Variants in TMTC1 observed in about 807,000 individuals in gnomAD.
TMTC1 encodes transmembrane O-mannosyltransferase targeting cadherins 1, also known as protein O-mannosyl-transferase TMTC1.
A neutral mutation model predicts 104.8 loss-of-function variants in TMTC1; 73 were observed. The ratio of observed to expected loss-of-function variants is 0.70; its 90% CI spans 0.58 to 0.85. The LOEUF is 0.85. Ranked by LOEUF, TMTC1 falls within the 40% of genes least tolerant of loss-of-function variation. TMTC1 has a pLI of 0.00. For synonymous variants in TMTC1, 434 were observed against 428.7 expected, an observed-to-expected ratio of 1.01 and a Z score of -0.15; for missense variants, 1,035 against 1,096.1, an observed-to-expected ratio of 0.94 and a Z score of 0.79.
At chr12:29,628,543 A>G (rs1175689491) in intron 6 of TMTC1, among the ~76,000 whole-genome samples, 1 of 152,236 alleles carries the variant, frequency 6.6e-6, no homozygotes, top group Admixed American at 6.5e-5. Flanking sequence ...TAACGTCAAC[A>G]CAGACTTTAT....
chr12:29,539,055 A>G (rs1944721938), intron 10 of TMTC1, among the ~76,000 whole-genome samples: 3 of 152,170 alleles, frequency 2.0e-5, no homozygotes, highest in African/African-American at 7.2e-5. Flanking sequence ...ATTGTTTCTA[A>G]AAGGGAGAGG....
chr12:29,619,844 T>C (rs902317903), intron 6 of TMTC1, among the ~76,000 whole-genome samples: 1 of 152,222 alleles, frequency 6.6e-6, no homozygotes, highest in African/African-American at 2.4e-5. Flanking sequence ...TCCCGAACTA[T>C]GCTTCTGCAC....
chr12:29,690,258 C>T (rs1197844844), intron 5 of TMTC1, among the ~76,000 whole-genome samples: 1 of 152,100 alleles, frequency 6.6e-6, no homozygotes, highest in Non-Finnish European at 1.5e-5. Flanking sequence ...ATCAGTGCAT[C>T]CTTTGTTTTA....
At chr12:29,776,216 A>C (rs1259457209) in intron 1 of TMTC1, among the ~76,000 whole-genome samples, 1 of 152,164 alleles carries the variant, frequency 6.6e-6, no homozygotes, top group African/African-American at 2.4e-5. Flanking sequence ...TCCACCAACC[A>C]TTTGTGCTGC....
chr12:29,586,081 T>C (rs1344973197), intron 7 of TMTC1, among the ~76,000 whole-genome samples: 1 of 152,204 alleles, frequency 6.6e-6, no homozygotes, highest in Non-Finnish European at 1.5e-5. Flanking sequence ...GCATGGAATG[T>C]TCTTCCATTT....
rs754126885 is a variant in TMTC1 at position 29,583,500 on chromosome 12, G to T, written c.1325C>A (p.Thr442Asn). 1 of 1,613,930 alleles carries T rather than the reference G, an allele frequency of 6.2e-7. No individual in the cohort carries two copies. Among genetic ancestry groups the T allele is most frequent in the Non-Finnish European group, 8.5e-7 (1 of 1,179,904 alleles). ...CTWLNRCGAT[T>N]LIVSTVLLLL... ...CAGCAACACAGTGGACACAATCAGGGTGGTGGCCCCACATCGATTCAGCCA... is the reference window on the plus strand; with the variant it reads ...CAGCAACACAGTGGACACAATCAGGTTGGTGGCCCCACATCGATTCAGCCA... The change falls in exon 8 of 18, where the codon ACC (threonine) becomes AAC (asparagine). Residue 442 changes from threonine (T) to asparagine (N), a missense_variant. Physicochemically the swap from Thr to Asn is moderately conservative, Grantham distance 65. Transcript: ENST00000539277.
At chr12:29,601,234 C>T (rs762861050) in intron 7 of TMTC1, among the ~76,000 whole-genome samples, 6 of 152,172 alleles carry the variant, frequency 3.9e-5, no homozygotes, top group African/African-American at 9.7e-5. Flanking sequence ...TATACCTGCC[C>T]GGGCAAGATG....
chr12:29,517,583 G>T lies in TMTC1; in HGVS notation c.2025-12C>A. 6.2e-7 allele frequency: 1 copy of T among 1,613,982 alleles called. No individual in the cohort carries two copies. The highest frequency in any genetic ancestry group is 8.5e-7 in the Non-Finnish European group (1 of 1,179,936). Reference sequence around the variant, plus strand: ...CCACCTGCAGGGCGCTGAGTTTGGAGAAAATCTAAATGACATTTCTCTTCT... The same window carrying T: ...CCACCTGCAGGGCGCTGAGTTTGGATAAAATCTAAATGACATTTCTCTTCT... On this transcript the variant is annotated splice_polypyrimidine_tract_variant and intron_variant, in intron 13 of 17. Coordinates refer to ENST00000539277, the MANE Select transcript of TMTC1 (RefSeq NM_001193451.2).
chr12:29,557,121 T>A, intron 9 of TMTC1, 121 bp from the exon 10 acceptor site: 1 of 1,130,906 alleles, frequency 8.8e-7, no homozygotes, highest in Non-Finnish European at 1.2e-6. Context: ...ATTCTTGTAC[T>A]TGAATGGTTT....
chr12:29,509,387 C>T (rs928346824), intron 17 of TMTC1, among the ~76,000 whole-genome samples: 27 of 152,224 alleles, frequency 1.8e-4, no homozygotes. Context: ...CCTCTCTCCC[C>T]CATCTCTTTC....
intron 11 of TMTC1, among the ~76,000 whole-genome samples, chr12:29,524,862 G>T (rs1316214391): frequency 6.6e-6 from 1 of 152,184 alleles, no homozygotes; most frequent in Non-Finnish European, 1.5e-5. Context: ...TATACCTCAT[G>T]ATGTACACAA....
chr12:29,654,944 C>T (rs1458373586), intron 5 of TMTC1, among the ~76,000 whole-genome samples: 1 of 152,070 alleles, frequency 6.6e-6, no homozygotes, highest in Non-Finnish European at 1.5e-5. Context: ...AGTGCAGTGG[C>T]GTGATCTCGG....
At position 29,510,141 on chromosome 12, in the gene TMTC1, T is replaced by C. The variant is rs368880480; in HGVS notation, c.2508+1902A>G. ...TATAGCCACATAAACCTAGATGAAA[T>C]AGTTTACTACTACACACCTAGACTA... On this transcript the variant is annotated intron_variant, in intron 17 of 17. Transcript: ENST00000539277. Among the ~76,000 whole-genome samples the C allele has an allele frequency of 5.3e-4, 80 of 152,288 alleles. 3 individuals are homozygous for C. The South Asian group carries it at 0.016, about 31-fold the overall frequency.
intron 5 of TMTC1, among the ~76,000 whole-genome samples, chr12:29,700,865 G>A (rs1365482184): frequency 6.6e-6 from 1 of 152,080 alleles, no homozygotes; most frequent in Non-Finnish European, 1.5e-5. Flanking sequence ...ACTCTGTAAA[G>A]GCTGTTTTTT....
At chr12:29,631,950 C>T (rs74079165) in intron 6 of TMTC1, among the ~76,000 whole-genome samples, 5,986 of 152,252 alleles carry the variant, frequency 0.039, 380 homozygotes, top group African/African-American at 0.13. Context: ...CTGCTCAACT[C>T]GTGCACGCAT....
chr12:29,697,332 C>T (rs1465258393), intron 5 of TMTC1, among the ~76,000 whole-genome samples: 1 of 152,206 alleles, frequency 6.6e-6, no homozygotes, highest in African/African-American at 2.4e-5. Flanking sequence ...ATACTCTAAG[C>T]TTCTTTCTTC....
chr12:29,610,563 C>A (rs1946818978), intron 6 of TMTC1, among the ~76,000 whole-genome samples: 1 of 152,090 alleles, frequency 6.6e-6, no homozygotes, highest in Non-Finnish European at 1.5e-5. Context: ...CAAAGGGAAT[C>A]CTGCGGCAGT....
chr12:29,558,392 C>T (rs563407400), intron 9 of TMTC1, among the ~76,000 whole-genome samples: 2 of 152,124 alleles, frequency 1.3e-5, no homozygotes, highest in Non-Finnish European at 2.9e-5. Flanking sequence ...AGAAGAGGTT[C>T]CTATTAAAAG....
At chr12:29,600,447 A>G (rs1243687350) in intron 7 of TMTC1, among the ~76,000 whole-genome samples, 1 of 152,210 alleles carries the variant, frequency 6.6e-6, no homozygotes, top group East Asian at 1.9e-4. Flanking sequence ...TTCCTTACCC[A>G]GACTTTAATT....
Sources: gnomAD v4.1 joint callset for allele counts (sites outside exome capture counted in the v4.1 genomes callset) on GRCh38, gnomAD v4.1.1 for gene constraint, MANE v1.5 for transcripts, NCBI Gene and HGNC (gene_info 2026-07-23, HGNC 2026-07-21) for gene names.